PRUNE2: variants seen among roughly 807,000 people sequenced by gnomAD.
The protein encoded by PRUNE2 is prune homolog 2 with BCH domain.
PRUNE2 carries 164 observed loss-of-function variants against 252.0 expected under a neutral mutation model. The observed-to-expected ratio is 0.65, with a 90% confidence interval of 0.57 to 0.74. The LOEUF (loss-of-function observed/expected upper bound fraction) is 0.74, where lower values mean the gene tolerates loss of function less well. Among genes scored for constraint, PRUNE2 ranks in the 30% least tolerant of loss-of-function variants. The probability of loss-of-function intolerance (pLI) is 0.00; values close to 1 mark genes in which losing one functional copy is unlikely to be tolerated. For missense variants in PRUNE2, 3,495 were observed against 3,711.0 expected (o/e 0.94, Z 1.51); for synonymous variants, 1,292 against 1,350.2 (o/e 0.96, Z 0.94).
chr9:76,837,446 A>T (rs941690993), intron 4 of PRUNE2, among the ~76,000 whole-genome samples: 2 of 64,324 alleles, frequency 3.1e-5, no homozygotes, highest in South Asian at 8.9e-4. Context: ...GTCTCAAATA[A>T]TAATAATAAT....
chr9:76,632,658 G>A (rs1453683239), intron 15 of PRUNE2, among the ~76,000 whole-genome samples: 1 of 152,084 alleles, frequency 6.6e-6, no homozygotes, highest in African/African-American at 2.4e-5. Flanking sequence ...CCTGGGCTCA[G>A]GTAATCCTCC....
At chr9:76,860,780 C>T (rs1406031507) in intron 1 of PRUNE2, among the ~76,000 whole-genome samples, 3 of 152,088 alleles carry the variant, frequency 2.0e-5, no homozygotes, top group African/African-American at 7.2e-5. Flanking sequence ...AATGAAGAAA[C>T]AAGAGAGAAA....
intron 4 of PRUNE2, among the ~76,000 whole-genome samples, chr9:76,832,223 A>G (rs953148986): frequency 6.6e-6 from 1 of 152,156 alleles, no homozygotes; most frequent in Non-Finnish European, 1.5e-5. Flanking sequence ...AAAAGTATGC[A>G]AAAATATAGA....
Position 76,707,845 on chromosome 9 carries a change from C to G in PRUNE2, c.4429G>C (p.Val1477Leu), listed in dbSNP as rs115567769. Residue 1477 changes from valine (V) to leucine (L), a missense_variant, in exon 8 of 19, where the codon GTG (valine) becomes CTG (leucine). By Grantham distance (32) the Val-to-Leu change is conservative. Coordinates refer to ENST00000376718, the MANE Select transcript of PRUNE2 (RefSeq NM_015225.3). ...EECNFLEPEN[V>L]GGGPPHRVPR... ...ACTCTGTGAGGTGGCCCTCCACCCA[C>G]GTTCTCTGGCTCTAGAAAGTTACAT... The G allele has an allele frequency of 6.2e-7, 1 of 1,613,650 alleles. No homozygotes were observed. Among genetic ancestry groups the G allele is most frequent in the Non-Finnish European group, 8.5e-7 (1 of 1,179,772 alleles).
intron 6 of PRUNE2, among the ~76,000 whole-genome samples, chr9:76,804,887 A>G (rs1438664211): frequency 6.6e-6 from 1 of 152,128 alleles, no homozygotes; most frequent in Non-Finnish European, 1.5e-5. Context: ...AACTTCCAGG[A>G]TGCCACCCTG....
chr9:76,850,373 TA>T, intron 3 of PRUNE2, 89 bp downstream of exon 3: 1 of 1,049,910 alleles, frequency 9.5e-7, no homozygotes, highest in Non-Finnish European at 1.4e-6. Context: ...TACATCTGCC[TA>T]AACCACAAAA....
In PRUNE2 at chr9:76,703,824, T is replaced by G. The variant is rs2046092028; in HGVS notation, c.7789A>C (p.Thr2597Pro). 2 of 1,614,012 alleles carry G rather than the reference T, an allele frequency of 1.2e-6. No homozygotes were observed. Among genetic ancestry groups the G allele is most frequent in the Admixed American group, 1.7e-5 (1 of 60,014 alleles). Residue 2597 changes from threonine (T) to proline (P), a missense_variant, in exon 9 of 19, where the codon ACA (threonine) becomes CCA (proline). Transcript: ENST00000376718. ...TCATTTAAGGAGGCTGGCTGACATGTGTCTGGGAAGCTTGCTAACTGAGTT... is the reference window on the plus strand; with the variant it reads ...TCATTTAAGGAGGCTGGCTGACATGGGTCTGGGAAGCTTGCTAACTGAGTT... ...QGTQLASFPD[T>P]CQPASLNERK...
intron 9 of PRUNE2, among the ~76,000 whole-genome samples, chr9:76,678,349 C>CAAAAAA (rs58096428): frequency 1.2e-5 from 1 of 83,116 alleles, no homozygotes; most frequent in Non-Finnish European, 2.1e-5. Flanking sequence ...GAGACTCCAT[C>CAAAAAA]AAAAAAAAAA....
chr9:76,622,382 A>G (rs909357300), intron 17 of PRUNE2, among the ~76,000 whole-genome samples: 1 of 152,200 alleles, frequency 6.6e-6, no homozygotes, highest in Non-Finnish European at 1.5e-5. Flanking sequence ...AGCTAAGCAG[A>G]AAGAGTATAA....
chr9:76,837,035 A>G (rs1198807140), intron 4 of PRUNE2, among the ~76,000 whole-genome samples: 1 of 152,240 alleles, frequency 6.6e-6, no homozygotes, highest in Admixed American at 6.5e-5. Flanking sequence ...AGATTCAAAT[A>G]TGATTGAATT....
intron 6 of PRUNE2, among the ~76,000 whole-genome samples, chr9:76,761,130 A>G (rs1468213814): frequency 1.3e-5 from 2 of 151,536 alleles, no homozygotes; most frequent in African/African-American, 4.9e-5. Context: ...TGCTGAATTT[A>G]ATCCAACCAA....
intron 16 of PRUNE2, among the ~76,000 whole-genome samples, chr9:76,625,522 T>C (rs966067553): frequency 6.6e-6 from 1 of 152,194 alleles, no homozygotes. Flanking sequence ...AATAATAAAA[T>C]TGACATTTGG....
At chr9:76,721,829 C>T (rs1268598641) in intron 6 of PRUNE2, among the ~76,000 whole-genome samples, 1 of 152,116 alleles carries the variant, frequency 6.6e-6, no homozygotes, top group African/African-American at 2.4e-5. Flanking sequence ...GAGGTATGTA[C>T]ACAAATGTTC....
intron 6 of PRUNE2, among the ~76,000 whole-genome samples, chr9:76,799,839 G>C (rs2056420097): frequency 1.3e-5 from 2 of 152,140 alleles, no homozygotes; most frequent in African/African-American, 4.8e-5. Context: ...AAATATGACA[G>C]GAACAAAATA....
chr9:76,692,225 A>C, intron 9 of PRUNE2: 3 of 709,084 alleles, frequency 4.2e-6, no homozygotes, highest in Non-Finnish European at 7.9e-6. Context: ...AATAAGGATG[A>C]TCACCTGCCT....
At chr9:76,661,361 G>C (rs992583279) in intron 9 of PRUNE2, among the ~76,000 whole-genome samples, 2 of 152,104 alleles carry the variant, frequency 1.3e-5, no homozygotes, top group Admixed American at 6.6e-5. Flanking sequence ...TCCTGCCTCA[G>C]CCTCCCAAGT....
At chr9:76,789,916 G>C (rs1054464425) in intron 6 of PRUNE2, among the ~76,000 whole-genome samples, 2 of 152,084 alleles carry the variant, frequency 1.3e-5, no homozygotes, top group Non-Finnish European at 2.9e-5. Flanking sequence ...CTGGTTCTAA[G>C]AATGATGCAA....
At position 76,711,274 on chromosome 9, in the gene PRUNE2, G is replaced by T. The variant is rs2046708798; in HGVS notation, c.1000C>A (p.Gln334Lys). The change falls in exon 8 of 19, where the codon CAA (glutamine) becomes AAA (lysine). Residue 334 changes from glutamine (Q) to lysine (K), a missense_variant. Transcript: ENST00000376718. ...CAAGTCACTGAAGGGTCCTCTTGTT[G>T]GTACACCAGGATCTCATCACAGCCA... ...DCGCDEILVY[Q>K]QEDPSVTCDQ... The T allele has an allele frequency of 6.2e-7, 1 of 1,613,602 alleles. No homozygotes were observed. The highest frequency in any genetic ancestry group is 1.7e-5 in the Admixed American group (1 of 59,984).
chr9:76,783,443 T>C (rs1043231138), intron 6 of PRUNE2, among the ~76,000 whole-genome samples: 1 of 152,132 alleles, frequency 6.6e-6, no homozygotes. Flanking sequence ...CAAGAAGTCA[T>C]ATGACCTGTG....
Sources: gnomAD v4.1 joint callset for allele counts (sites outside exome capture counted in the v4.1 genomes callset) on GRCh38, gnomAD v4.1.1 for gene constraint, MANE v1.5 for transcripts, NCBI Gene and HGNC (gene_info 2026-07-23, HGNC 2026-07-21) for gene names.